Variants in SEMA3A observed in about 807,000 individuals in gnomAD.
SEMA3A encodes semaphorin 3A, also known as semaphorin-3A.
SEMA3A carries 29 observed loss-of-function variants against 97.9 expected under a neutral mutation model. The observed-to-expected ratio is 0.30, with a 90% CI of 0.22 to 0.40. SEMA3A has a LOEUF of 0.40. Among genes scored for constraint, SEMA3A ranks in the 10% least tolerant of loss-of-function variants. The pLI, the probability that SEMA3A is intolerant of heterozygous loss-of-function variation, is 1.00. For synonymous variants in SEMA3A, 321 were observed against 323.7 expected, an observed-to-expected ratio of 0.99 and a Z score of 0.09; for missense variants, 763 against 951.3, an observed-to-expected ratio of 0.80 and a Z score of 2.60.
intron 4 of SEMA3A, among the ~76,000 whole-genome samples, chr7:84,081,363 A>T (rs532471709): frequency 3.3e-5 from 5 of 151,894 alleles, no homozygotes; most frequent in East Asian, 1.9e-4. Context: ...GAGGCCAAGG[A>T]GGGCGGATCA....
At chr7:84,053,839 A>C (rs202047392) in intron 5 of SEMA3A, among the ~76,000 whole-genome samples, 23,168 of 66,842 alleles carry the variant, frequency 0.35, 6,003 homozygotes, top group East Asian at 0.62. Flanking sequence ...ATGATTTTGC[A>C]GTGGCTGGTA....
chr7:84,046,514 A>C, intron 5 of SEMA3A, 71 bp from the exon 6 acceptor site: 1 of 1,564,894 alleles, frequency 6.4e-7, no homozygotes, highest in Non-Finnish European at 8.8e-7. Flanking sequence ...AACAAAACAA[A>C]CAAAATGCAA....
At chr7:84,199,524 T>C (rs1209734141), upstream of SEMA3A, among the ~76,000 whole-genome samples, 1 of 151,838 alleles carries the variant, frequency 6.6e-6, no homozygotes, top group Non-Finnish European at 1.5e-5. Flanking sequence ...AATTGAGACA[T>C]GTAAAAAACA....
chr7:84,249,805 G>C (rs1050342150), intron 3 of SEMA3A, among the ~76,000 whole-genome samples: 11 of 151,166 alleles, frequency 7.3e-5, no homozygotes, highest in African/African-American at 2.7e-4. Context: ...AAATTGTCAA[G>C]TACCTCTCTG....
intron 3 of SEMA3A, among the ~76,000 whole-genome samples, chr7:84,259,774 G>C (rs941835997): frequency 6.9e-6 from 1 of 144,470 alleles, no homozygotes; most frequent in African/African-American, 2.6e-5. Flanking sequence ...GATTAGTGCA[G>C]TTAAAAAACA....
rs115843002 is a variant in SEMA3A, at chr7:84,235,135, C to T, written c.-82-40467G>A. 3.4e-3 allele frequency among the ~76,000 whole-genome samples: 511 copies of T among 152,044 alleles called. 1 individual carries two copies. Among genetic ancestry groups the T allele is most frequent in the African/African-American group, 0.012 (486 of 41,514 alleles). On this transcript the variant is annotated intron_variant, in intron 3 of 3. Transcript: ENST00000424555. ...CCATTATTAGCAAATTATCCAAAGA[C>T]AAATATCAGATATGTGTACAAATAT...
At chr7:84,317,373 A>G (rs902600191) in intron 2 of SEMA3A, among the ~76,000 whole-genome samples, 6 of 152,202 alleles carry the variant, frequency 3.9e-5, no homozygotes, top group Non-Finnish European at 5.9e-5. Flanking sequence ...GATGCTATGT[A>G]TCAGTGACAG....
At chr7:84,340,516 C>A (rs559478701) in intron 2 of SEMA3A, among the ~76,000 whole-genome samples, 1 of 152,106 alleles carries the variant, frequency 6.6e-6, no homozygotes, top group Admixed American at 6.6e-5. Flanking sequence ...CAGTGGCTCA[C>A]GCCTGTAATC....
chr7:83,990,568 A>C (rs2116346917), intron 12 of SEMA3A, among the ~76,000 whole-genome samples: 1 of 143,712 alleles, frequency 7.0e-6, no homozygotes, highest in East Asian at 2.1e-4. Flanking sequence ...CCATTTATTA[A>C]ATAGGGAATC....
At chr7:84,000,202 T>C (rs951741794) in intron 12 of SEMA3A, among the ~76,000 whole-genome samples, 2 of 152,090 alleles carry the variant, frequency 1.3e-5, no homozygotes, top group African/African-American at 4.8e-5. Context: ...TTAGCTGTTG[T>C]TGTTTTTAAC....
At chr7:84,414,151 T>G (rs956780489) in intron 1 of SEMA3A, among the ~76,000 whole-genome samples, 3 of 152,172 alleles carry the variant, frequency 2.0e-5, no homozygotes, top group African/African-American at 7.2e-5. Flanking sequence ...ATTTGTTTTC[T>G]TGTTTTATAT....
chr7:84,066,873 T>A (rs1005909489), intron 4 of SEMA3A, among the ~76,000 whole-genome samples: 1 of 152,072 alleles, frequency 6.6e-6, no homozygotes, highest in African/African-American at 2.4e-5. Context: ...TTGAATGCCA[T>A]CCCCGTCAAG....
chr7:84,281,138 A>G (rs1312501897), intron 3 of SEMA3A, among the ~76,000 whole-genome samples: 1 of 152,156 alleles, frequency 6.6e-6, no homozygotes, highest in African/African-American at 2.4e-5. Context: ...TTTGAAAAGC[A>G]GTTTTAAAGC....
At chr7:84,429,399 A>G (rs2116314371) in intron 1 of SEMA3A, among the ~76,000 whole-genome samples, 1 of 150,834 alleles carries the variant, frequency 6.6e-6, no homozygotes, top group African/African-American at 2.4e-5. Flanking sequence ...GATAGTTTCA[A>G]CTATTTTAGA....
At chr7:84,485,432 G>A (rs1806550359) in intron 1 of SEMA3A, among the ~76,000 whole-genome samples, 2 of 151,608 alleles carry the variant, frequency 1.3e-5, no homozygotes, top group Admixed American at 1.3e-4. Context: ...CTGGAGTGCA[G>A]TGGGGCGATC....
chr7:84,407,509 C>T (rs1804129917), intron 1 of SEMA3A, among the ~76,000 whole-genome samples: 1 of 151,882 alleles, frequency 6.6e-6, no homozygotes, highest in Admixed American at 6.6e-5. Context: ...CATCAAGTTA[C>T]CAATGACTTT....
chr7:84,424,025 G>A (rs1237090865), intron 1 of SEMA3A, among the ~76,000 whole-genome samples: 1 of 151,766 alleles, frequency 6.6e-6, no homozygotes, highest in African/African-American at 2.4e-5. Flanking sequence ...GAAAGGGAAA[G>A]CTTATACACT....
intron 4 of SEMA3A, among the ~76,000 whole-genome samples, chr7:84,083,743 A>C (rs1287660777): frequency 6.6e-6 from 1 of 152,084 alleles, no homozygotes; most frequent in Non-Finnish European, 1.5e-5. Context: ...TTAAGTAATA[A>C]AGACTTTTTA....
chr7:84,151,299 G>A (rs1472196192), intron 1 of SEMA3A, among the ~76,000 whole-genome samples: 2 of 151,554 alleles, frequency 1.3e-5, no homozygotes, highest in South Asian at 2.1e-4. Flanking sequence ...TCTGAGCTAC[G>A]GGAGGACATT....
Sources: gnomAD v4.1 joint callset for allele counts (sites outside exome capture counted in the v4.1 genomes callset) on GRCh38, gnomAD v4.1.1 for gene constraint, MANE v1.5 for transcripts, NCBI Gene and HGNC (gene_info 2026-07-23, HGNC 2026-07-21) for gene names.